The following CUBN variants were observed in gnomAD, a reference collection of about 807,000 sequenced individuals.
CUBN encodes the protein 460 kDa receptor.
CUBN carries 282 observed loss-of-function variants against 405.3 expected under a neutral mutation model. That is an observed-to-expected ratio of 0.70 (90% CI 0.63 to 0.77). CUBN has a LOEUF of 0.77. CUBN is among the 30% of genes least tolerant of loss of function. The pLI is 0.00. For synonymous variants in CUBN, 1,684 were observed against 1,617.0 expected, an observed-to-expected ratio of 1.04 and a Z score of -0.99; for missense variants, 4,514 against 4,475.2, an observed-to-expected ratio of 1.01 and a Z score of -0.25.
At chr10:16,895,338 T>TAC (rs150992845) in intron 54 of CUBN, among the ~76,000 whole-genome samples, 2,359 of 149,052 alleles carry the variant, frequency 0.016, 37 homozygotes, top group African/African-American at 0.046. Flanking sequence ...TATATATTTA[T>TAC]ACACACACAC....
At chr10:16,933,310 G>C in intron 39 of CUBN, 26 bp from the exon 40 acceptor site, 1 of 1,606,300 alleles carries the variant, frequency 6.2e-7, no homozygotes, top group East Asian at 2.2e-5. Context: ...CAACATCTTT[G>C]ACACAGCCCT....
chr10:16,988,005 A>G (rs554073265), intron 29 of CUBN, among the ~76,000 whole-genome samples: 96 of 152,260 alleles, frequency 6.3e-4, no homozygotes, highest in African/African-American at 2.2e-3. Flanking sequence ...GTCTTCTCAC[A>G]GCCATTTCTG....
At chr10:17,107,999 T>C (rs1013177999) in intron 10 of CUBN, among the ~76,000 whole-genome samples, 4 of 152,200 alleles carry the variant, frequency 2.6e-5, no homozygotes, top group Middle Eastern at 3.2e-3. Context: ...AGAAATTTTT[T>C]AAGTTTCCCA....
chr10:17,110,652 C>T (rs1035314453), intron 9 of CUBN, among the ~76,000 whole-genome samples: 1 of 152,074 alleles, frequency 6.6e-6, no homozygotes, highest in Non-Finnish European at 1.5e-5. Flanking sequence ...CTCAGCCTCC[C>T]GAGTAGCTAG....
intron 22 of CUBN, among the ~76,000 whole-genome samples, chr10:17,057,990 C>T (rs1046142569): frequency 5.5e-4 from 84 of 152,032 alleles, no homozygotes; most frequent in African/African-American, 1.9e-3. Flanking sequence ...GGCATGGTGG[C>T]GCGCACCTGT....
chr10:17,085,168 G>A (rs570863435), intron 16 of CUBN, among the ~76,000 whole-genome samples: 3 of 152,310 alleles, frequency 2.0e-5, no homozygotes, highest in East Asian at 1.9e-4. Context: ...GTATTTGGCT[G>A]GAAGTGAAGC....
At chr10:17,011,742 G>A (rs934195157) in intron 28 of CUBN, among the ~76,000 whole-genome samples, 7 of 152,114 alleles carry the variant, frequency 4.6e-5, no homozygotes, top group African/African-American at 9.7e-5. Flanking sequence ...AGTGCTGATC[G>A]GTGCGTTTAC....
chr10:17,042,084 T>C (rs368366717), intron 26 of CUBN, among the ~76,000 whole-genome samples: 109 of 152,306 alleles, frequency 7.2e-4, no homozygotes, highest in African/African-American at 2.5e-3. Context: ...GTATTCCTAC[T>C]ACGATATGCT....
At chr10:16,913,659 T>C in intron 48 of CUBN, 152 bp downstream of exon 48, 1 of 850,512 alleles carries the variant, frequency 1.2e-6, no homozygotes, top group South Asian at 1.5e-5. Context: ...CAGGTTACTG[T>C]GATTTTGTTC....
In CUBN at chr10:16,831,238, T is replaced by C. The variant is rs1384313567; in HGVS notation, c.10528+14A>G. Reference sequence around the variant, plus strand: ...TCTCACAGTGCTTTCCTGTACAAAGTGCAAATGTCTTACCAGAGGGTGATG... The same window carrying C: ...TCTCACAGTGCTTTCCTGTACAAAGCGCAAATGTCTTACCAGAGGGTGATG... On this transcript the variant is annotated intron_variant, in intron 65 of 66. Coordinates refer to ENST00000377833, the MANE Select transcript of CUBN (RefSeq NM_001081.4). The C allele has an allele frequency of 1.2e-6, 2 of 1,613,280 alleles. No homozygotes were observed. Among genetic ancestry groups the C allele is most frequent in the South Asian group, 1.1e-5 (1 of 91,080 alleles).
chr10:16,975,292 C>T (rs1049511150), intron 31 of CUBN, among the ~76,000 whole-genome samples: 1 of 152,212 alleles, frequency 6.6e-6, no homozygotes, highest in East Asian at 1.9e-4. Context: ...CTGCTGTTTC[C>T]TCCTGCTGCA....
In CUBN at chr10:16,900,800, G is replaced by C; in HGVS notation, c.8235C>G (p.Asp2745Glu). ...DIEPHTTCAW[D>E]SVTVRNGGSP... The stretch of plus-strand genomic sequence containing the variant: ...ACCCACCATTCCTGACAGTGACAGA[G>C]TCCCAAGCACAAGTTGTATGGGGTT... The change falls in exon 53 of 67, where the codon GAC becomes GAG. Residue 2745 changes from aspartate to glutamate, a missense_variant. Around this residue, in one of 5 missense-constraint regions of CUBN, gnomAD observed 1,186 missense variants for 1,186.9 expected, o/e 1.00. Coordinates refer to ENST00000377833, the MANE Select transcript of CUBN (RefSeq NM_001081.4). The C allele has an allele frequency of 1.9e-6, 3 of 1,614,080 alleles. No homozygotes were observed. The South Asian group carries it at 3.3e-5, about 18-fold the overall frequency.
At chr10:16,960,360 C>T in intron 31 of CUBN, among the ~76,000 whole-genome samples, 1 of 152,062 alleles carries the variant, frequency 6.6e-6, no homozygotes, top group Non-Finnish European at 1.5e-5. Flanking sequence ...GGCGTAGTGA[C>T]GTGTGCCTGT....
intron 7 of CUBN, 21 bp from the exon 8 acceptor site, chr10:17,114,210 T>A (rs1226191537): frequency 6.2e-7 from 1 of 1,612,432 alleles, no homozygotes; most frequent in Non-Finnish European, 8.5e-7. Flanking sequence ...GACAACAGCG[T>A]GAATAAAGAC....
rs1479495033 is a variant in CUBN at position 16,869,856 on chromosome 10, G to C, written c.9237-3C>G. On this transcript the variant is annotated splice_polypyrimidine_tract_variant and splice_region_variant and intron_variant, in intron 58 of 66. Transcript: ENST00000377833. ...GAACCACATCAAAATCACTGAACCTGTGAAATGTACCTTGTTAATACTGAT... is the reference window on the plus strand; with the variant it reads ...GAACCACATCAAAATCACTGAACCTCTGAAATGTACCTTGTTAATACTGAT... 2 of 1,594,038 alleles carry C rather than the reference G, an allele frequency of 1.3e-6. No homozygotes were observed. The highest frequency in any genetic ancestry group is 4.5e-5 in the East Asian group (2 of 44,774).
intron 3 of CUBN, 122 bp downstream of exon 3, chr10:17,127,707 A>C (rs2131329713): frequency 1.5e-6 from 1 of 669,874 alleles, no homozygotes; most frequent in African/African-American, 1.8e-5. Context: ...CCAAACAGTG[A>C]GTAGTTACAT....
chr10:16,846,253 G>A (rs1376406831), intron 60 of CUBN, among the ~76,000 whole-genome samples: 1 of 152,084 alleles, frequency 6.6e-6, no homozygotes, highest in Non-Finnish European at 1.5e-5. Flanking sequence ...ATTGGCATGC[G>A]GGTTGCAAAT....
chr10:16,841,337 A>T (rs1839342180), intron 60 of CUBN, among the ~76,000 whole-genome samples: 3 of 151,958 alleles, frequency 2.0e-5, no homozygotes, highest in African/African-American at 7.3e-5. Context: ...CTCTGCACCG[A>T]CTCACACTAT....
intron 4 of CUBN, among the ~76,000 whole-genome samples, chr10:17,126,129 A>G (rs1279622273): frequency 1.3e-5 from 2 of 152,178 alleles, no homozygotes; most frequent in Non-Finnish European, 2.9e-5. Context: ...GAATCCCCAG[A>G]TTTTTATGCA....
Sources: allele counts gnomAD v4.1 joint callset (sites outside exome capture counted in the v4.1 genomes callset), GRCh38; gene constraint gnomAD v4.1.1; regional missense constraint gnomAD v4.1.1; transcripts MANE v1.5; gene names NCBI Gene and HGNC (gene_info 2026-07-23, HGNC 2026-07-21).